Variants in ELMO1 observed in about 807,000 individuals in gnomAD.
ELMO1 encodes engulfment and cell motility 1.
ELMO1 carries 26 observed loss-of-function variants against 98.9 expected under a neutral mutation model. The observed-to-expected ratio is 0.26, with a 90% CI of 0.19 to 0.36. The LOEUF (loss-of-function observed/expected upper bound fraction) is 0.36, where lower values mean the gene tolerates loss of function less well. Ranked by LOEUF, ELMO1 falls within the 10% of genes least tolerant of loss-of-function variation. ELMO1 has a pLI of 1.00. For synonymous variants in ELMO1, 346 were observed against 346.0 expected (o/e 1.00, Z 0.00); for missense variants, 627 against 935.2 (o/e 0.67, Z 4.30).
chr7:37,328,158 A>G (rs1260593396), intron 2 of ELMO1, among the ~76,000 whole-genome samples: 2 of 152,124 alleles, frequency 1.3e-5, no homozygotes, highest in Non-Finnish European at 2.9e-5. Flanking sequence ...CTAGGTGCGC[A>G]GATCACTTGA....
chr7:37,044,338 T>C (rs985953516), intron 15 of ELMO1, among the ~76,000 whole-genome samples: 2 of 152,200 alleles, frequency 1.3e-5, no homozygotes, highest in Non-Finnish European at 2.9e-5. Flanking sequence ...AAAAAGCTAA[T>C]GTGAGTGTAC....
chr7:37,223,158 TCC>T (rs1793690631), intron 9 of ELMO1, among the ~76,000 whole-genome samples: 1 of 152,208 alleles, frequency 6.6e-6, no homozygotes, highest in South Asian at 2.1e-4. Flanking sequence ...AAAATCTATT[TCC>T]AAATATAAAC....
chr7:37,023,430 T>C (rs530434539), intron 15 of ELMO1, among the ~76,000 whole-genome samples: 1 of 152,184 alleles, frequency 6.6e-6, no homozygotes, highest in Non-Finnish European at 1.5e-5. Flanking sequence ...GAAATAGGGA[T>C]TGACATTTTA....
At chr7:37,378,033 C>G (rs1240309495) in intron 1 of ELMO1, among the ~76,000 whole-genome samples, 1 of 152,186 alleles carries the variant, frequency 6.6e-6, no homozygotes, top group African/African-American at 2.4e-5. Context: ...CCATGCAACC[C>G]TAAGAAGAAA....
At chr7:37,033,849 A>C (rs1795021049) in intron 15 of ELMO1, among the ~76,000 whole-genome samples, 1 of 152,182 alleles carries the variant, frequency 6.6e-6, no homozygotes, top group Non-Finnish European at 1.5e-5. Context: ...GGTGGTTCAG[A>C]ATCTTCAGGG....
chr7:37,259,467 T>C, intron 5 of ELMO1, 117 bp from the exon 6 acceptor site: 1 of 1,125,860 alleles, frequency 8.9e-7, no homozygotes, highest in Non-Finnish European at 1.3e-6. Flanking sequence ...ACTATCTGCA[T>C]ATTACAGAGT....
intron 2 of ELMO1, among the ~76,000 whole-genome samples, chr7:37,339,374 A>C (rs1052646421): frequency 1.3e-5 from 2 of 152,224 alleles, no homozygotes; most frequent in African/African-American, 4.8e-5. Flanking sequence ...ATACAATGTG[A>C]TAAGTGGAGG....
chr7:37,120,700 C>A (rs1458532912), intron 14 of ELMO1, among the ~76,000 whole-genome samples: 6 of 152,204 alleles, frequency 3.9e-5, no homozygotes, highest in Admixed American at 3.3e-4. Context: ...CCTCTGAGGG[C>A]AAGGCATAGC....
At chr7:37,053,719 G>A (rs1489184311) in intron 15 of ELMO1, among the ~76,000 whole-genome samples, 2 of 152,154 alleles carry the variant, frequency 1.3e-5, no homozygotes, top group Admixed American at 1.3e-4. Context: ...CATTTACCAT[G>A]GCTTAGATTG....
intron 6 of ELMO1, among the ~76,000 whole-genome samples, chr7:37,252,883 A>G (rs1162411499): frequency 6.6e-6 from 1 of 152,232 alleles, no homozygotes; most frequent in African/African-American, 2.4e-5. Context: ...CAAATTTACA[A>G]GAAAAAAACA....
At chr7:37,290,811 A>C (rs1797637196) in intron 4 of ELMO1, among the ~76,000 whole-genome samples, 9 of 152,162 alleles carry the variant, frequency 5.9e-5, no homozygotes, top group Admixed American at 5.9e-4. Flanking sequence ...CATATGCTAA[A>C]ATTCATATGG....
At chr7:37,109,168 G>C (rs140708480) in intron 14 of ELMO1, among the ~76,000 whole-genome samples, 1 of 152,228 alleles carries the variant, frequency 6.6e-6, no homozygotes, top group East Asian at 1.9e-4. Context: ...CATGTGCCTG[G>C]TGTGCCCCCA....
chr7:37,244,065 A>G (rs971961532), intron 7 of ELMO1, among the ~76,000 whole-genome samples: 7 of 152,208 alleles, frequency 4.6e-5, no homozygotes, highest in Admixed American at 2.6e-4. Context: ...ACATAAAATT[A>G]TGCTTAGCAC....
intron 13 of ELMO1, among the ~76,000 whole-genome samples, chr7:37,194,291 G>A (rs1462357381): frequency 1.3e-5 from 2 of 152,022 alleles, no homozygotes; most frequent in African/African-American, 4.8e-5. Flanking sequence ...ATCCTAAATG[G>A]AACAAACCAG....
At chr7:37,239,879 T>C (rs1335820779) in intron 7 of ELMO1, among the ~76,000 whole-genome samples, 1 of 152,192 alleles carries the variant, frequency 6.6e-6, no homozygotes. Flanking sequence ...ATCTGGAACA[T>C]GTGATAACTG....
intron 17 of ELMO1, among the ~76,000 whole-genome samples, chr7:36,891,822 G>C (rs1805579288): frequency 6.6e-6 from 1 of 152,078 alleles, no homozygotes; most frequent in African/African-American, 2.4e-5. Context: ...TAGCAAATTG[G>C]GTCCAAGTTT....
intron 16 of ELMO1, chr7:36,984,858 G>C (rs748460032): frequency 4.7e-5 from 45 of 961,350 alleles, no homozygotes; most frequent in Non-Finnish European, 5.6e-5. Context: ...ATCTTAGGCA[G>C]AGATAGAAGC....
chr7:36,887,721 T>C lies in ELMO1; in HGVS notation c.1602-49A>G, dbSNP rs748323381. ...CCACAGCATGCCTTGAGAAACAGAG[T>C]GTGGCTTGGTGGGCATCATGGGCAT... On this transcript the variant is annotated intron_variant, in intron 17 of 21. Coordinates refer to ENST00000310758, the MANE Select transcript of ELMO1 (RefSeq NM_014800.11). 13 of 1,574,794 alleles carry C rather than the reference T, an allele frequency of 8.3e-6. No individual in the cohort carries two copies. The South Asian group carries it at 1.4e-4, about 17-fold the overall frequency.
intron 16 of ELMO1, among the ~76,000 whole-genome samples, chr7:37,012,347 T>C (rs1793619773): frequency 6.6e-6 from 1 of 152,070 alleles, no homozygotes. Flanking sequence ...TAAGTGCAGG[T>C]GAAATTCAGA....
Sources: allele counts gnomAD v4.1 joint callset (sites outside exome capture counted in the v4.1 genomes callset), GRCh38; gene constraint gnomAD v4.1.1; transcripts MANE v1.5; gene names NCBI Gene and HGNC (gene_info 2026-07-23, HGNC 2026-07-21).